The following GARIN1A variants were observed in gnomAD, a reference collection of about 807,000 sequenced individuals.
The protein encoded by GARIN1A is Golgi-associated RAB2 interactor protein 1A.
the GARIN1A span, among the ~76,000 whole-genome samples, chr7:128,696,453 C>T: frequency 6.6e-6 from 1 of 152,204 alleles, no homozygotes; most frequent in East Asian, 1.9e-4. Context: ...TTTGTATCAA[C>T]TTTCTCTAGT....
At chr7:128,680,259 T>G in the GARIN1A span, 2 of 532,256 alleles carry the variant, frequency 3.8e-6, no homozygotes. Flanking sequence ...TAGATAGTCA[T>G]GCACATGGCT....
the GARIN1A span, among the ~76,000 whole-genome samples, chr7:128,704,406 G>C: frequency 6.6e-6 from 1 of 151,674 alleles, no homozygotes; most frequent in Non-Finnish European, 1.5e-5. Flanking sequence ...CCAGGCTCAA[G>C]CAGTTCTCTT....
chr7:128,682,646 C>T, the GARIN1A span, among the ~76,000 whole-genome samples: 7 of 152,186 alleles, frequency 4.6e-5, no homozygotes, highest in Non-Finnish European at 8.8e-5. Flanking sequence ...GGTGCCATCT[C>T]TGCTCACTGC....
chr7:128,692,432 A>G, the GARIN1A span, among the ~76,000 whole-genome samples: 1 of 152,236 alleles, frequency 6.6e-6, no homozygotes, highest in Admixed American at 6.5e-5. Context: ...TATTTCTTAG[A>G]TGAAAACACC....
chr7:128,677,517 A>AAAAAAAG, the GARIN1A span: 2 of 1,466,706 alleles, frequency 1.4e-6, no homozygotes, highest in Non-Finnish European at 1.8e-6. Context: ...AAAAAAAAAA[A>AAAAAAAG]AAAGAAACCA....
At chr7:128,679,324 C>T in the GARIN1A span, among the ~76,000 whole-genome samples, 1 of 151,982 alleles carries the variant, frequency 6.6e-6, no homozygotes, top group Non-Finnish European at 1.5e-5. Context: ...TTCCGAGTAG[C>T]TGGGACTACA....
At chr7:128,686,275 C>CATA in the GARIN1A span, 1 of 152,164 alleles carries the variant, frequency 6.6e-6, no homozygotes, top group African/African-American at 2.4e-5. Context: ...TCATCATCAT[C>CATA]ATAATAGCTA....
At chr7:128,680,197 G>A in the GARIN1A span, 45 of 1,114,542 alleles carry the variant, frequency 4.0e-5, no homozygotes, top group Admixed American at 1.1e-3. Flanking sequence ...CCAGTGTGAA[G>A]TCATGGGGTC....
At chr7:128,694,533 CAAAA>C in the GARIN1A span, among the ~76,000 whole-genome samples, 41 of 119,240 alleles carry the variant, frequency 3.4e-4, no homozygotes, top group East Asian at 1.4e-3. Context: ...GACTCTGTCT[CAAAA>C]AAAAAAAGAA....
At chr7:128,687,982 C>G in the GARIN1A span, 2 of 151,872 alleles carry the variant, frequency 1.3e-5, no homozygotes, top group Non-Finnish European at 2.9e-5. Context: ...TCTATGAGAC[C>G]TAGATTCTTC....
chr7:128,674,051 G>T, the GARIN1A span, among the ~76,000 whole-genome samples: 1 of 151,904 alleles, frequency 6.6e-6, no homozygotes, highest in African/African-American at 2.4e-5. Context: ...GCACCACCTC[G>T]CCCAGCTAAT....
the GARIN1A span, among the ~76,000 whole-genome samples, chr7:128,690,022 AAAG>A: frequency 1.3e-5 from 2 of 152,210 alleles, no homozygotes; most frequent in African/African-American, 2.4e-5. Context: ...GTCTGTGCAG[AAAG>A]AAGTAGACAT....
At chr7:128,697,629 C>A in the GARIN1A span, 1 of 153,042 alleles carries the variant, frequency 6.5e-6, no homozygotes, top group Non-Finnish European at 1.5e-5. Context: ...ACTCTGCTCC[C>A]CCTTTTACTC....
chr7:128,679,931 C>T, the GARIN1A span: 1 of 619,760 alleles, frequency 1.6e-6, no homozygotes, highest in Non-Finnish European at 2.7e-6. Flanking sequence ...GGGTGTGAAA[C>T]TCAACTGTAA....
chr7:128,692,228 C>A, the GARIN1A span, among the ~76,000 whole-genome samples: 1 of 152,138 alleles, frequency 6.6e-6, no homozygotes, highest in African/African-American at 2.4e-5. Flanking sequence ...GGAAACGTGC[C>A]AGCCATATGT....
the GARIN1A span, among the ~76,000 whole-genome samples, chr7:128,690,078 C>T: frequency 1.3e-5 from 2 of 152,204 alleles, no homozygotes; most frequent in Non-Finnish European, 2.9e-5. Context: ...ATTCTTCTGC[C>T]TTGGGATGCT....
chr7:128,681,896 C>T, the GARIN1A span, among the ~76,000 whole-genome samples: 1 of 150,004 alleles, frequency 6.7e-6, no homozygotes, highest in Non-Finnish European at 1.5e-5. Context: ...CCCCCACAAC[C>T]CCCCTGGCCA....
the GARIN1A span, among the ~76,000 whole-genome samples, chr7:128,674,525 A>G: frequency 6.6e-6 from 1 of 152,152 alleles, no homozygotes; most frequent in Non-Finnish European, 1.5e-5. Context: ...GCACATCACC[A>G]TCACTATCAT....
the GARIN1A span, among the ~76,000 whole-genome samples, chr7:128,689,369 C>T: frequency 7.9e-5 from 12 of 151,874 alleles, no homozygotes; most frequent in East Asian, 2.0e-4. Context: ...CATCTCTGCC[C>T]GGCCGCCCAT....
Sources: gnomAD v4.1 joint callset for allele counts (sites outside exome capture counted in the v4.1 genomes callset) on GRCh38, gnomAD v4.1.1 for gene constraint, MANE v1.5 for transcripts, NCBI Gene and HGNC (gene_info 2026-07-23, HGNC 2026-07-21) for gene names.